The following CDYL variants were observed in gnomAD, a reference collection of about 807,000 sequenced individuals.
CDYL encodes the protein chromodomain Y-like protein.
In CDYL, 8 loss-of-function variants were observed where a neutral mutation model predicts 47.3. That is an observed-to-expected ratio of 0.17 (90% CI 0.10 to 0.31). The LOEUF (loss-of-function observed/expected upper bound fraction) is 0.31. Among genes scored for constraint, CDYL ranks in the 10% least tolerant of loss-of-function variants. The pLI, the probability that CDYL is intolerant of heterozygous loss-of-function variation, is 1.00. For synonymous variants in CDYL, 266 were observed against 265.0 expected (o/e 1.00, Z -0.04); for missense variants, 471 against 701.4 (o/e 0.67, Z 3.71).
rs577227859 is a variant in CDYL at position 4,740,023 on chromosome 6, AGAG to A, written c.186+5183_186+5185del. On this transcript the variant is annotated intron_variant, in intron 3 of 8. Coordinates refer to the CDYL transcript ENST00000328908. ...TGATGGAAAGGAAATGGGGAAGGAAAGAGGAGAAGTGTTATTGTACTTTCCTAT... is the reference window on the plus strand; with the variant it reads ...TGATGGAAAGGAAATGGGGAAGGAAAGAGAAGTGTTATTGTACTTTCCTAT... 9.2e-5 allele frequency among the ~76,000 whole-genome samples: 14 copies of A among 152,298 alleles called. 1 individual carries two copies. The South Asian group carries it at 2.9e-3, about 32-fold the overall frequency.
At chr6:4,790,441 A>G (rs924185752) in intron 1 of CDYL, among the ~76,000 whole-genome samples, 1 of 152,222 alleles carries the variant, frequency 6.6e-6, no homozygotes, top group Non-Finnish European at 1.5e-5. Context: ...CTTAACAACA[A>G]CAAACTCATT....
chr6:4,773,394 G>A (rs1281636576), upstream of CDYL, among the ~76,000 whole-genome samples: 2 of 152,080 alleles, frequency 1.3e-5, no homozygotes, highest in African/African-American at 2.4e-5. This position sits in a 1 kb window ranked among gnomAD's most constrained non-coding sequence, Gnocchi z 4.6. Flanking sequence ...ACCCACACAC[G>A]TGGTCATGGA....
At chr6:4,896,467 G>C (rs541549922) in intron 2 of CDYL, among the ~76,000 whole-genome samples, 2 of 152,190 alleles carry the variant, frequency 1.3e-5, no homozygotes, top group Non-Finnish European at 2.9e-5. Context: ...GAATGGGTGC[G>C]CATGGAAGAC....
At chr6:4,927,357 G>GTT (rs1757904903) in intron 2 of CDYL, among the ~76,000 whole-genome samples, 1 of 68,588 alleles carries the variant, frequency 1.5e-5, no homozygotes, top group African/African-American at 4.1e-5. Context: ...TAGAAAGAAC[G>GTT]TCTTTTTTTT....
upstream of CDYL, chr6:4,773,327 G>T: frequency 5.4e-6 from 2 of 367,294 alleles, no homozygotes; most frequent in Non-Finnish European, 1.1e-5. The surrounding 1 kb of genome is among the most constrained non-coding windows in gnomAD (Gnocchi z 4.6). Flanking sequence ...AATCTTCCCG[G>T]TGTGCTTAGG....
At chr6:4,847,151 ATC>A (rs1442796686) in intron 1 of CDYL, among the ~76,000 whole-genome samples, 2 of 152,220 alleles carry the variant, frequency 1.3e-5, no homozygotes, top group African/African-American at 4.8e-5. Context: ...GTGCACCAAA[ATC>A]ATCAGTGTGT....
chr6:4,932,161 C>T (rs533286840), intron 2 of CDYL, among the ~76,000 whole-genome samples: 1 of 152,304 alleles, frequency 6.6e-6, no homozygotes, highest in Non-Finnish European at 1.5e-5. Flanking sequence ...GTTTCTTAGC[C>T]ATTTGGGCTG....
chr6:4,890,212 T>TA (rs1423645204), intron 1 of CDYL: 2 of 952,852 alleles, frequency 2.1e-6, no homozygotes, highest in African/African-American at 1.8e-5. Context: ...TTAAAACTCT[T>TA]AAACTATTTC....
chr6:4,814,621 G>T (rs1337773091), intron 1 of CDYL, among the ~76,000 whole-genome samples: 2 of 152,126 alleles, frequency 1.3e-5, no homozygotes, highest in Non-Finnish European at 2.9e-5. Context: ...CACCTCCAAG[G>T]TTCAAGCAAT....
At chr6:4,831,555 G>A (rs192077940) in intron 1 of CDYL, among the ~76,000 whole-genome samples, 3,726 of 151,850 alleles carry the variant, frequency 0.025, 130 homozygotes, top group African/African-American at 0.075. Context: ...ATGACTTGGC[G>A]ATGCGGGCTC....
chr6:4,871,672 G>T (rs988189719), intron 1 of CDYL, among the ~76,000 whole-genome samples: 1 of 152,102 alleles, frequency 6.6e-6, no homozygotes, highest in South Asian at 2.1e-4. Flanking sequence ...GCTCTAGTGG[G>T]TTGGGATTTT....
At chr6:4,895,749 C>T (rs74534924) in intron 2 of CDYL, among the ~76,000 whole-genome samples, 2,762 of 152,214 alleles carry the variant, frequency 0.018, 65 homozygotes, top group East Asian at 0.088. Context: ...ATCCACATTG[C>T]GCTTTCACCA....
intron 2 of CDYL, among the ~76,000 whole-genome samples, chr6:4,732,163 T>C (rs1288317011): frequency 6.6e-6 from 1 of 151,790 alleles, no homozygotes; most frequent in Non-Finnish European, 1.5e-5. Context: ...AGCAAGATCC[T>C]GTCTCTACAA....
At chr6:4,818,730 G>A (rs1759741889) in intron 1 of CDYL, among the ~76,000 whole-genome samples, 1 of 152,166 alleles carries the variant, frequency 6.6e-6, no homozygotes, top group Non-Finnish European at 1.5e-5. Context: ...GTATTCCGTA[G>A]TAGAGATGCT....
chr6:4,884,599 CTT>C (rs1205849801), intron 1 of CDYL, among the ~76,000 whole-genome samples: 2 of 152,190 alleles, frequency 1.3e-5, no homozygotes, highest in African/African-American at 4.8e-5. Flanking sequence ...GGTGGACTGT[CTT>C]TTCAGTAGTG....
At chr6:4,776,234 G>C (rs1221905058), upstream of CDYL, among the ~76,000 whole-genome samples, 3 of 141,028 alleles carry the variant, frequency 2.1e-5, no homozygotes, top group Admixed American at 7.0e-5. Context: ...CGGCCCCGCC[G>C]GCCGCCCGCC....
chr6:4,900,889 ACCTGTCTTTG>A (rs1292852518), intron 2 of CDYL, among the ~76,000 whole-genome samples: 4 of 141,126 alleles, frequency 2.8e-5, no homozygotes, highest in Admixed American at 7.2e-5. Context: ...TCGTGAATGT[ACCTGTCTTTG>A]CCCAGGGACT....
intron 5 of CDYL, among the ~76,000 whole-genome samples, chr6:4,950,652 C>G (rs1471242727): frequency 6.6e-6 from 1 of 152,186 alleles, no homozygotes; most frequent in Non-Finnish European, 1.5e-5. Context: ...TTCAAAAACT[C>G]ATGACTTTCT....
At chr6:4,915,199 C>T (rs1488363689) in intron 2 of CDYL, among the ~76,000 whole-genome samples, 2 of 152,190 alleles carry the variant, frequency 1.3e-5, no homozygotes, top group African/African-American at 4.8e-5. Context: ...TGAATAAATT[C>T]CTAGATTCGG....
Sources: gnomAD v4.1 joint callset for allele counts (sites outside exome capture counted in the v4.1 genomes callset) on GRCh38, gnomAD v4.1.1 for gene constraint, Gnocchi (gnomAD v3.1) non-coding constraint, MANE v1.5 for transcripts, NCBI Gene and HGNC (gene_info 2026-07-23, HGNC 2026-07-21) for gene names.